Variants in UGT2B11 observed in about 807,000 individuals in gnomAD.
UGT2B11 encodes UDP-glucuronosyltransferase 2B11.
In UGT2B11, 49 loss-of-function variants were observed where a neutral mutation model predicts 51.7. The ratio of observed to expected loss-of-function variants is 0.95; its 90% CI spans 0.75 to 1.20. UGT2B11 has a LOEUF of 1.20. UGT2B11 is among the 50% of genes most tolerant of loss of function. The probability of loss-of-function intolerance (pLI) is 0.00; values close to 1 mark genes in which losing one functional copy is unlikely to be tolerated. For synonymous variants in UGT2B11, 273 were observed against 209.0 expected, an observed-to-expected ratio of 1.31 and a Z score of -2.64; for missense variants, 810 against 622.1, an observed-to-expected ratio of 1.30 and a Z score of -3.21.
At chr4:69,212,912 C>A (rs1328194062) in intron 1 of UGT2B11, among the ~76,000 whole-genome samples, 191 bp from the exon 2 acceptor site, 1 of 150,720 alleles carries the variant, frequency 6.6e-6, no homozygotes, top group Non-Finnish European at 1.5e-5. Context: ...ATAAGAAAGG[C>A]AAAGTGGTGG....
rs1337094178 is a variant in UGT2B11 at position 69,213,565 on chromosome 4, A to C, written c.721+437T>G. On this transcript the variant is annotated intron_variant, in intron 1 of 5. Transcript: ENST00000446444. ...TTCTGGAAACATGGGAATATCTTTC[A>C]ATATCTAAATAAGAAAACTGAGATT... Among the ~76,000 whole-genome samples the C allele has an allele frequency of 2.0e-5, 3 of 151,648 alleles. 1 individual carries two copies. Among genetic ancestry groups the C allele is most frequent in the Admixed American group, 2.0e-4 (3 of 15,172 alleles).
chr4:69,206,313 G>A (rs1165900230), intron 3 of UGT2B11, among the ~76,000 whole-genome samples: 2 of 151,588 alleles, frequency 1.3e-5, no homozygotes, highest in East Asian at 3.9e-4. Flanking sequence ...ACAAAAATAT[G>A]TATTTTGCAG....
upstream of UGT2B11, chr4:69,216,297 T>C (rs1428569975): frequency 6.6e-6 from 1 of 151,446 alleles, no homozygotes; most frequent in East Asian, 1.9e-4. Flanking sequence ...TCATGATATG[T>C]AGTTTTTGCA....
intron 2 of UGT2B11, among the ~76,000 whole-genome samples, chr4:69,212,190 T>C (rs1722090748): frequency 6.6e-6 from 1 of 151,852 alleles, no homozygotes; most frequent in East Asian, 1.9e-4. Context: ...CAAAGTAGAA[T>C]GTAAGGTATG....
the UGT2B11 span, among the ~76,000 whole-genome samples, chr4:69,223,689 G>T: frequency 6.6e-6 from 1 of 152,108 alleles, no homozygotes; most frequent in Non-Finnish European, 1.5e-5. Flanking sequence ...AGCTTAAAGG[G>T]GGTGGTGGAT....
At chr4:69,207,548 T>A (rs1465025818) in intron 3 of UGT2B11, among the ~76,000 whole-genome samples, 2 of 151,550 alleles carry the variant, frequency 1.3e-5, no homozygotes, top group East Asian at 2.0e-4. Flanking sequence ...TATATTTCCT[T>A]CTGCTGCCTC....
rs778333147 is a variant in UGT2B11 at position 69,208,392 on chromosome 4, C to T, written c.961G>A (p.Ala321Thr). The change falls in exon 3 of 6, where the codon GCC (alanine) becomes ACC (threonine). Residue 321 changes from alanine to threonine, a missense_variant. By Grantham distance (58) the Ala-to-Thr change is moderately conservative. Coordinates refer to ENST00000446444, the MANE Select transcript of UGT2B11 (RefSeq NM_001073.3). Reference sequence around the variant, plus strand: ...GCAAGGGCTGTTGCAATTACATTGGCCCTTTCTGCTGTCATGTTACTTATC... The same window carrying T: ...GCAAGGGCTGTTGCAATTACATTGGTCCTTTCTGCTGTCATGTTACTTATC... ...SVISNMTAER[A>T]NVIATALAKI... The T allele has an allele frequency of 2.5e-6, 4 of 1,610,904 alleles. No homozygotes were observed. The highest frequency in any genetic ancestry group is 1.1e-5 in the South Asian group (1 of 90,990).
chr4:69,221,165 G>T, the UGT2B11 span, among the ~76,000 whole-genome samples: 1 of 152,162 alleles, frequency 6.6e-6, no homozygotes, highest in South Asian at 2.1e-4. Flanking sequence ...TGCCATTTAG[G>T]CATGATAGGC....
chr4:69,219,005 C>T (rs1379017493), upstream of UGT2B11, among the ~76,000 whole-genome samples: 1 of 152,138 alleles, frequency 6.6e-6, no homozygotes, highest in Non-Finnish European at 1.5e-5. Flanking sequence ...TCCCTAGAAA[C>T]CGCTCAGGGT....
chr4:69,222,671 C>T, the UGT2B11 span, among the ~76,000 whole-genome samples: 1 of 152,168 alleles, frequency 6.6e-6, no homozygotes, highest in East Asian at 1.9e-4. Flanking sequence ...TGATAACTGT[C>T]CATGTGAGAT....
rs766214426 is a variant in UGT2B11 at position 69,214,635 on chromosome 4, C to T, written c.88G>A (p.Ala30Thr). The change falls in exon 1 of 6, where the codon GCC becomes ACC. Residue 30 changes from alanine (A) to threonine (T), a missense_variant. Coordinates refer to ENST00000446444, the MANE Select transcript of UGT2B11 (RefSeq NM_001073.3). ...TTCATCCAATGGCTGTATTCTGCGGCCCACACCAGCACTTTTCCACAACTC... is the reference window on the plus strand; with the variant it reads ...TTCATCCAATGGCTGTATTCTGCGGTCCACACCAGCACTTTTCCACAACTC... The part of the protein sequence containing the change: ...SGSCGKVLVW[A>T]AEYSHWMNMK... 14 of 1,613,152 alleles carry T rather than the reference C, an allele frequency of 8.7e-6. No individual in the cohort carries two copies. The African/African-American group carries it at 1.5e-4, about 17-fold the overall frequency.
At chr4:69,210,760 G>A (rs1722031304) in intron 2 of UGT2B11, among the ~76,000 whole-genome samples, 1 of 151,474 alleles carries the variant, frequency 6.6e-6, no homozygotes, top group Admixed American at 6.6e-5. Context: ...CATACAATTT[G>A]CATTAAACAG....
chr4:69,200,634 A>T lies in UGT2B11; in HGVS notation c.1396T>A (p.Phe466Ile). The change falls in exon 6 of 6, where the codon TTT becomes ATT. Residue 466 changes from phenylalanine (F) to isoleucine (I), a missense_variant. Transcript: ENST00000446444. ...PLDRAVFWIE[F>I]VMPHKGAKHL... ...TTGGCTCCTTTGTGGGGCATGACAA[A>T]TTCAATCCAGAAGACTGCTCGATCC... 1 of 1,612,454 alleles carries T rather than the reference A, an allele frequency of 6.2e-7. No homozygotes were observed. Among genetic ancestry groups the T allele is most frequent in the Non-Finnish European group, 8.5e-7 (1 of 1,178,972 alleles).
At chr4:69,212,931 T>A (rs1361484011) in intron 1 of UGT2B11, among the ~76,000 whole-genome samples, 5 of 151,264 alleles carry the variant, frequency 3.3e-5, no homozygotes, top group African/African-American at 9.7e-5. Context: ...GGGAGAATTA[T>A]GAGGTTAAGC....
rs559723710 is a variant in UGT2B11, at chr4:69,212,605, A to G, written c.838T>C (p.Phe280Leu). The G allele has an allele frequency of 1.2e-5, 20 of 1,608,542 alleles. No homozygotes were observed. In the Admixed American group the frequency reaches 2.0e-4, roughly 16 times the overall value. The change falls in exon 2 of 6, where the codon TTC (phenylalanine) becomes CTC (leucine). Residue 280 changes from phenylalanine (F) to leucine (L), a missense_variant. Physicochemically the swap from Phe to Leu is conservative, Grantham distance 22 (BLOSUM62 0). Transcript: ENST00000446444. Reference sequence around the variant, plus strand: ...AGGGGTTTGGCAGGTTTGCAGTGGAATCCTCCAACAAAATCAACGTTTGGT... The same window carrying G: ...AGGGGTTTGGCAGGTTTGCAGTGGAGTCCTCCAACAAAATCAACGTTTGGT... ...FLPNVDFVGG[F>L]HCKPAKPLPK...
At chr4:69,223,191 A>G in the UGT2B11 span, among the ~76,000 whole-genome samples, 1 of 152,186 alleles carries the variant, frequency 6.6e-6, no homozygotes, top group Non-Finnish European at 1.5e-5. Context: ...AGGCAGTGGT[A>G]CAGAAGACAA....
Position 69,213,880 on chromosome 4 carries a change from T to C in UGT2B11, c.721+122A>G, listed in dbSNP as rs567075741. Reference sequence around the variant, plus strand: ...GTGAGATTGATAGATCATCTTGTATTTTCATTTCATAAATTCACTTACCAA... The same window carrying C: ...GTGAGATTGATAGATCATCTTGTATCTTCATTTCATAAATTCACTTACCAA... On this transcript the variant is annotated intron_variant, in intron 1 of 5. Coordinates refer to ENST00000446444, the MANE Select transcript of UGT2B11 (RefSeq NM_001073.3). The C allele has an allele frequency of 1.3e-4, 168 of 1,337,788 alleles. No individual in the cohort carries two copies. In the African/African-American group the frequency reaches 2.3e-3, roughly 19 times the overall value. The allele number at this position is 1,337,788 out of a possible 1,614,324, so 82.9% of individuals were successfully genotyped here.
chr4:69,218,769 G>C (rs574493022), upstream of UGT2B11, among the ~76,000 whole-genome samples: 1 of 152,240 alleles, frequency 6.6e-6, no homozygotes, highest in South Asian at 2.1e-4. Context: ...AAGGGAAAGA[G>C]TTGAATGCAA....
At chr4:69,207,546 C>T (rs1721905847) in intron 3 of UGT2B11, among the ~76,000 whole-genome samples, 1 of 151,508 alleles carries the variant, frequency 6.6e-6, no homozygotes, top group Non-Finnish European at 1.5e-5. Flanking sequence ...CCTATATTTC[C>T]TTCTGCTGCC....
Sources: allele counts gnomAD v4.1 joint callset (sites outside exome capture counted in the v4.1 genomes callset), GRCh38; gene constraint gnomAD v4.1.1; transcripts MANE v1.5; gene names NCBI Gene and HGNC (gene_info 2026-07-23, HGNC 2026-07-21).